ADGB: variants seen among roughly 807,000 people sequenced by gnomAD.
The protein encoded by ADGB is calpain-7-like protein.
A neutral mutation model predicts 210.5 loss-of-function variants in ADGB; 172 were observed. The observed-to-expected ratio is 0.82, with a 90% confidence interval of 0.72 to 0.93. The LOEUF is 0.93. ADGB is among the 40% of genes least tolerant of loss of function. ADGB has a pLI of 0.00. For missense variants in ADGB, 2,025 were observed against 1,964.8 expected, an observed-to-expected ratio of 1.03 and a Z score of -0.58; for synonymous variants, 658 against 662.7, an observed-to-expected ratio of 0.99 and a Z score of 0.11.
Position 146,728,562 on chromosome 6 carries a change from T to C in ADGB, c.2353-12T>C. On this transcript the variant is annotated splice_polypyrimidine_tract_variant and intron_variant, in intron 19 of 35. Transcript: ENST00000397944. The stretch of plus-strand genomic sequence containing the variant: ...GATGAGTGAGGATGGCTGCCATGCT[T>C]TGTCTTCACAGGAGAGCTGCCGATT... 6.5e-7 allele frequency: 1 copy of C among 1,549,342 alleles called. No homozygotes were observed. The highest frequency in any genetic ancestry group is 1.2e-5 in the South Asian group (1 of 83,916).
At chr6:146,806,685 T>G (rs1778217102) in intron 35 of ADGB, among the ~76,000 whole-genome samples, 1 of 152,238 alleles carries the variant, frequency 6.6e-6, no homozygotes, top group Admixed American at 6.5e-5. Context: ...TTAATCCTTA[T>G]TCTTTGATTA....
chr6:146,778,623 A>G (rs1447803255), intron 29 of ADGB, among the ~76,000 whole-genome samples: 2 of 152,106 alleles, frequency 1.3e-5, no homozygotes, highest in East Asian at 1.9e-4. Flanking sequence ...CTTTTAAATC[A>G]GTCAATATTC....
chr6:146,760,595 T>C (rs953494656), intron 27 of ADGB, among the ~76,000 whole-genome samples: 4 of 151,922 alleles, frequency 2.6e-5, no homozygotes, highest in African/African-American at 9.7e-5. Context: ...TTTGGACTTA[T>C]GTTTTCATTT....
chr6:146,778,840 G>C (rs1378865093), intron 29 of ADGB, among the ~76,000 whole-genome samples: 1 of 152,166 alleles, frequency 6.6e-6, no homozygotes, highest in Admixed American at 6.5e-5. Context: ...GAGAATGGCA[G>C]TGAAAATGGC....
At chr6:146,770,650 G>A in intron 29 of ADGB, 1 of 460,880 alleles carries the variant, frequency 2.2e-6, no homozygotes, top group Non-Finnish European at 4.5e-6. Flanking sequence ...TGCTGTGTGG[G>A]CAAGATTCTG....
chr6:146,758,729 A>T (rs2114619055), intron 27 of ADGB, among the ~76,000 whole-genome samples: 1 of 152,104 alleles, frequency 6.6e-6, no homozygotes, highest in East Asian at 1.9e-4. Flanking sequence ...TTCTCAAAAC[A>T]CACAGAAATC....
At chr6:146,602,825 T>C (rs764938349) in intron 1 of ADGB, among the ~76,000 whole-genome samples, 1 of 152,206 alleles carries the variant, frequency 6.6e-6, no homozygotes, top group Non-Finnish European at 1.5e-5. Context: ...CAAATCCTAT[T>C]GTAAACTGTG....
chr6:146,732,722 CAT>C (rs1294074612), intron 20 of ADGB, among the ~76,000 whole-genome samples: 2 of 152,072 alleles, frequency 1.3e-5, no homozygotes, highest in South Asian at 2.1e-4. Context: ...CTCTAAGAAA[CAT>C]ATTTTCATTT....
Position 146,763,504 on chromosome 6 carries a change from T to A in ADGB, c.3551-397T>A, listed in dbSNP as rs148466502. Among the ~76,000 whole-genome samples, 1,034 of 152,304 alleles carry A rather than the reference T, an allele frequency of 6.8e-3. 6 individuals are homozygous for A. The highest frequency in any genetic ancestry group is 0.023 in the African/African-American group (964 of 41,554). ...AAACCTATCAGCAGTACTTATATGA[T>A]CTGTTAATTAGAAAATAATTAAAAA... is the stretch of plus-strand genomic sequence containing the variant. On this transcript the variant is annotated intron_variant, in intron 27 of 35. Coordinates refer to ENST00000397944, the MANE Select transcript of ADGB (RefSeq NM_024694.4).
chr6:146,769,556 T>C (rs937914868), intron 29 of ADGB, among the ~76,000 whole-genome samples: 8 of 152,066 alleles, frequency 5.3e-5, no homozygotes, highest in African/African-American at 1.9e-4. Context: ...AGTGAAAGAG[T>C]ACTCTGGTTT....
chr6:146,759,347 A>G (rs1249015171), intron 27 of ADGB, among the ~76,000 whole-genome samples: 1 of 151,872 alleles, frequency 6.6e-6, no homozygotes, highest in Non-Finnish European at 1.5e-5. Context: ...TTTTTAAAGA[A>G]TAAAATCTTA....
chr6:146,742,619 G>A lies in ADGB; in HGVS notation c.3177+1348G>A, dbSNP rs138589839. Reference sequence around the variant, plus strand: ...TTGTTTTTGTTAATTACCTTGAAAGGGCATTTACATATCACTTAAAAACAG... The same window carrying A: ...TTGTTTTTGTTAATTACCTTGAAAGAGCATTTACATATCACTTAAAAACAG... On this transcript the variant is annotated intron_variant, in intron 25 of 35. Coordinates refer to ENST00000397944, the MANE Select transcript of ADGB (RefSeq NM_024694.4). 6.6e-5 allele frequency among the ~76,000 whole-genome samples: 10 copies of A among 152,014 alleles called. No homozygotes were observed. The East Asian group carries it at 1.9e-3, about 29-fold the overall frequency.
chr6:146,743,534 A>G (rs1448173823), intron 25 of ADGB, among the ~76,000 whole-genome samples: 1 of 152,196 alleles, frequency 6.6e-6, no homozygotes, highest in Admixed American at 6.5e-5. Flanking sequence ...TATTATTTTT[A>G]AGTTGTAAAT....
At chr6:146,733,860 C>A in intron 21 of ADGB, 33 bp from the exon 22 acceptor site, 3 of 1,550,768 alleles carry the variant, frequency 1.9e-6, no homozygotes, top group Non-Finnish European at 2.6e-6. Context: ...TTAAATATAA[C>A]TTTCAGTCCA....
At chr6:146,698,081 G>T (rs531978580) in intron 12 of ADGB, among the ~76,000 whole-genome samples, 1 of 152,172 alleles carries the variant, frequency 6.6e-6, no homozygotes, top group African/African-American at 2.4e-5. Flanking sequence ...GTGGTTATCT[G>T]TGGTGAGGAG....
rs999333238 is a variant in ADGB at position 146,788,037 on chromosome 6, A to G, written c.4316-352A>G. Among the ~76,000 whole-genome samples the G allele has an allele frequency of 2.6e-5, 4 of 152,124 alleles. No homozygotes were observed. The South Asian group carries it at 6.2e-4, about 24-fold the overall frequency. ...ATCCCCCTGCAGAGAGGAACACCCT[A>G]TCTATTATGAAGCATTGTCAGCATA... On this transcript the variant is annotated intron_variant, in intron 32 of 35. Transcript: ENST00000397944.
intron 33 of ADGB, among the ~76,000 whole-genome samples, chr6:146,798,241 T>G (rs1168765980): frequency 6.6e-6 from 1 of 152,188 alleles, no homozygotes; most frequent in African/African-American, 2.4e-5. Context: ...AAGGTAATTA[T>G]GTAGGTAAAT....
At chr6:146,652,158 G>T (rs979825316) in intron 3 of ADGB, among the ~76,000 whole-genome samples, 1 of 152,174 alleles carries the variant, frequency 6.6e-6, no homozygotes, top group African/African-American at 2.4e-5. Flanking sequence ...AGAGACCTCT[G>T]CCTTAATATT....
chr6:146,799,398 G>A (rs751199244), intron 33 of ADGB, among the ~76,000 whole-genome samples: 5 of 152,072 alleles, frequency 3.3e-5, no homozygotes, highest in Admixed American at 2.0e-4. Flanking sequence ...GCTTGGCGTG[G>A]TGGCACGTGC....
Sources: allele counts gnomAD v4.1 joint callset (sites outside exome capture counted in the v4.1 genomes callset), GRCh38; gene constraint gnomAD v4.1.1; transcripts MANE v1.5; gene names NCBI Gene and HGNC (gene_info 2026-07-23, HGNC 2026-07-21).